Variants in DNAH5 observed in about 807,000 individuals in gnomAD.
The protein encoded by DNAH5 is axonemal beta dynein heavy chain 5.
DNAH5 carries 372 observed loss-of-function variants against 518.2 expected under a neutral mutation model. The ratio of observed to expected loss-of-function variants is 0.72; its 90% confidence interval spans 0.66 to 0.78. DNAH5 has a LOEUF of 0.78. Among genes scored for constraint, DNAH5 ranks in the 30% least tolerant of loss-of-function variants. The pLI, the probability that DNAH5 is intolerant of heterozygous loss-of-function variation, is 0.00. For synonymous variants in DNAH5, 2,039 were observed against 2,025.9 expected (o/e 1.01, Z -0.17); for missense variants, 5,523 against 5,687.0 (o/e 0.97, Z 0.93).
At position 13,900,185 on chromosome 5, in the gene DNAH5, GA is replaced by G. The variant is rs374448685; in HGVS notation, c.2259+20del. ...TTCCAGAGCTAGCCAAGAATGGGGGGAAAAAATAAAAGTAGTATACCTTCAT... is the reference window on the plus strand; with the variant it reads ...TTCCAGAGCTAGCCAAGAATGGGGGGAAAAATAAAAGTAGTATACCTTCAT... On this transcript the variant is annotated intron_variant, in intron 15 of 78. Coordinates refer to ENST00000265104, the MANE Select transcript of DNAH5 (RefSeq NM_001369.3). 16 of 1,592,396 alleles carry G rather than the reference GA, an allele frequency of 1.0e-5. No homozygotes were observed. The highest frequency in any genetic ancestry group is 4.5e-5 in the East Asian group (2 of 44,712).
chr5:13,754,712 A>G (rs898879575), intron 61 of DNAH5, among the ~76,000 whole-genome samples: 11 of 151,900 alleles, frequency 7.2e-5, no homozygotes, highest in African/African-American at 2.7e-4. Flanking sequence ...CTAATTTTGT[A>G]TTTTTAGTAG....
chr5:13,865,919 C>T lies in DNAH5; in HGVS notation c.4117-13G>A, dbSNP rs771352867. The T allele has an allele frequency of 1.6e-5, 24 of 1,487,230 alleles. No individual in the cohort carries two copies. The highest frequency in any genetic ancestry group is 2.3e-5 in the Non-Finnish European group (24 of 1,065,932). The allele number at this position is 1,487,230 out of a possible 1,614,324, so 92.1% of individuals were successfully genotyped here. A position where few individuals can be genotyped will look rare whatever the true frequency, so the allele number is the denominator to read the frequency against. The stretch of plus-strand genomic sequence containing the variant: ...TATCAAATTGATTCTAATAAAAACA[C>T]AAGTGAAAACGCATCAAAATGATTT... On this transcript the variant is annotated splice_polypyrimidine_tract_variant and intron_variant, in intron 26 of 78. Transcript: ENST00000265104.
At chr5:13,834,551 C>T (rs2151846475) in intron 35 of DNAH5, among the ~76,000 whole-genome samples, 1 of 152,290 alleles carries the variant, frequency 6.6e-6, no homozygotes, top group East Asian at 1.9e-4. Context: ...TTCTAGCAAA[C>T]AAATCACATG....
intron 29 of DNAH5, among the ~76,000 whole-genome samples, chr5:13,861,539 C>G (rs1450786399): frequency 1.3e-5 from 2 of 151,994 alleles, no homozygotes; most frequent in Non-Finnish European, 2.9e-5. Flanking sequence ...TTCTGGGGAA[C>G]AAAAACATTA....
chr5:13,947,039 T>C (rs1385776350), upstream of DNAH5, among the ~76,000 whole-genome samples: 1 of 152,240 alleles, frequency 6.6e-6, no homozygotes, highest in Non-Finnish European at 1.5e-5. Flanking sequence ...ATTTCACAGA[T>C]GTTAAAATAT....
chr5:13,927,721 G>A (rs571439442), intron 3 of DNAH5, among the ~76,000 whole-genome samples: 1 of 152,116 alleles, frequency 6.6e-6, no homozygotes, highest in Non-Finnish European at 1.5e-5. Flanking sequence ...TGTGAAACAG[G>A]TGCCCATTAT....
rs927630990 is a variant in DNAH5 at position 13,862,600 on chromosome 5, T to A, written c.4744A>T (p.Ile1582Phe). The part of the protein sequence containing the change: ...LLRGDSTSEI[I>F]ANMEDSLMLL... ...ATCAAGCTGTCCTCCATGTTGGCGA[T>A]GATTTCCGAGGTACTGTCTCCTCTC... The change falls in exon 29 of 79, where the codon ATC (isoleucine) becomes TTC (phenylalanine). Residue 1582 changes from isoleucine (I) to phenylalanine (F), a missense_variant. This residue lies in a region of DNAH5 where 5,121 missense variants were observed against 5,223.3 expected (regional missense o/e 0.98). Transcript: ENST00000265104. 1.2e-6 allele frequency: 2 copies of A among 1,614,046 alleles called. No homozygotes were observed. Among genetic ancestry groups the A allele is most frequent in the Non-Finnish European group, 1.7e-6 (2 of 1,179,962 alleles).
In DNAH5 at chr5:13,700,637, TA is replaced by T; in HGVS notation, c.13723+2del. ...CCCTTACTGAAGGTACAAGACAACTTACTATTGTTTTCTGCATAAATCCTTA... is the reference window on the plus strand; with the variant it reads ...CCCTTACTGAAGGTACAAGACAACTTCTATTGTTTTCTGCATAAATCCTTA... On this transcript the variant is annotated splice_donor_variant, in intron 78 of 78. Coordinates refer to ENST00000265104, the MANE Select transcript of DNAH5 (RefSeq NM_001369.3). LOFTEE classifies it high-confidence loss of function. The T allele has an allele frequency of 1.2e-6, 2 of 1,613,406 alleles. No homozygotes were observed. Among genetic ancestry groups the T allele is most frequent in the Non-Finnish European group, 1.7e-6 (2 of 1,179,328 alleles).
chr5:14,006,921 C>A (rs1354832406), intron 1 of DNAH5, among the ~76,000 whole-genome samples: 1 of 152,188 alleles, frequency 6.6e-6, no homozygotes, highest in African/African-American at 2.4e-5. Context: ...ACAATGAGCT[C>A]CACTCTGAGC....
At chr5:13,898,906 A>G in intron 15 of DNAH5, 1 of 316,572 alleles carries the variant, frequency 3.2e-6, no homozygotes, top group African/African-American at 2.1e-5. Context: ...GCCTTTTCAT[A>G]CCCTTGGCTT....
rs1326710504 is a variant in DNAH5, at chr5:13,707,732, T to C, written c.13338+391A>G. On this transcript the variant is annotated intron_variant, in intron 76 of 78. Coordinates refer to ENST00000265104, the MANE Select transcript of DNAH5 (RefSeq NM_001369.3). The surrounding 1 kb of genome is among the most constrained non-coding windows in gnomAD (Gnocchi z 4.0). ...TGACTTTTGATGTTAGGGTGAGGCA[T>C]GTTTCCTTCTATGAAACCAACATCA... Among the ~76,000 whole-genome samples, 2 of 152,064 alleles carry C rather than the reference T, an allele frequency of 1.3e-5. No homozygotes were observed. Among genetic ancestry groups the C allele is most frequent in the Non-Finnish European group, 1.5e-5 (1 of 68,010 alleles).
chr5:13,807,801 C>A, intron 46 of DNAH5, 76 bp from the exon 47 acceptor site: 1 of 1,304,536 alleles, frequency 7.7e-7, no homozygotes, highest in South Asian at 1.3e-5. Flanking sequence ...CCCCAAAATT[C>A]ATATGCTGAA....
intron 47 of DNAH5, among the ~76,000 whole-genome samples, chr5:13,806,775 T>C (rs1186948833): frequency 6.6e-6 from 1 of 152,196 alleles, no homozygotes; most frequent in Non-Finnish European, 1.5e-5. Flanking sequence ...ACTGCAAATC[T>C]AGGTCATTCC....
At chr5:13,890,766 G>T (rs1267545693) in intron 17 of DNAH5, among the ~76,000 whole-genome samples, 1 of 152,170 alleles carries the variant, frequency 6.6e-6, no homozygotes, top group Non-Finnish European at 1.5e-5. Context: ...GATCTGAAAT[G>T]ATGTGTTCCC....
Position 13,850,706 on chromosome 5 carries a change from T to G in DNAH5, c.5060A>C (p.Gln1687Pro). Reference sequence around the variant, plus strand: ...CTGGTCCAGCAAGTGTGGTAACAGCTGCCCCAGGGTCTCATCTCCAACACA... The same window carrying G: ...CTGGTCCAGCAAGTGTGGTAACAGCGGCCCCAGGGTCTCATCTCCAACACA... ...QCCVGDETLG[Q>P]LLPHLLDQLE... Residue 1687 changes from glutamine to proline, a missense_variant, in exon 31 of 79, where the codon CAG becomes CCG. By Grantham distance (76) the Gln-to-Pro change is moderately conservative. This residue lies in a region of DNAH5 where 5,121 missense variants were observed against 5,223.3 expected (regional missense o/e 0.98). Transcript: ENST00000265104. 1 of 1,614,156 alleles carries G rather than the reference T, an allele frequency of 6.2e-7. No individual in the cohort carries two copies. The highest frequency in any genetic ancestry group is 8.5e-7 in the Non-Finnish European group (1 of 1,180,000).
chr5:13,862,621 C>T lies in DNAH5; in HGVS notation c.4723G>A (p.Gly1575Arg). The change falls in exon 29 of 79, where the codon GGA (glycine) becomes AGA (arginine). Residue 1575 changes from glycine (G) to arginine (R), a missense_variant. Gly to Arg is a moderately radical substitution (Grantham distance 125, BLOSUM62 -2). Transcript: ENST00000265104. ...FKTRGELLLR[G>R]DSTSEIIANM... ...GCGATGATTTCCGAGGTACTGTCTC[C>T]TCTCAAGAGGAGCTCTCCACGGGTT... 1 of 1,613,980 alleles carries T rather than the reference C, an allele frequency of 6.2e-7. No homozygotes were observed. Among genetic ancestry groups the T allele is most frequent in the Non-Finnish European group, 8.5e-7 (1 of 1,179,934 alleles).
rs200660870 is a variant in DNAH5 at position 13,721,861 on chromosome 5, GA to G, written c.12034-617del. On this transcript the variant is annotated intron_variant, in intron 70 of 78. Transcript: ENST00000265104. The stretch of plus-strand genomic sequence containing the variant: ...TTTTGTCAACTTTATTACAACCATA[GA>G]AAAAAATTATGGTAACAACAAAGTC... 2.1e-3 allele frequency among the ~76,000 whole-genome samples: 325 copies of G among 152,074 alleles called. 3 individuals are homozygous for G. The highest frequency in any genetic ancestry group is 7.5e-3 in the African/African-American group (310 of 41,478).
intron 75 of DNAH5, among the ~76,000 whole-genome samples, chr5:13,710,746 A>C (rs1743378218): frequency 6.6e-6 from 1 of 152,202 alleles, no homozygotes. Flanking sequence ...ACCTTTACAC[A>C]CATAAACCAG....
rs12655133 is a variant in DNAH5, at chr5:13,769,148, T to A, written c.9721-12A>T. The A allele has an allele frequency of 0.36, 573,942 of 1,612,898 alleles. 103,426 individuals are homozygous for A. The highest frequency in any genetic ancestry group is 0.41 in the Middle Eastern group (2,492 of 6,056). ...ACTTCTTTTAAGACCTAATTCAATA[T>A]AAAGCAAGCAATACTTCACCAAACA... On this transcript the variant is annotated splice_polypyrimidine_tract_variant and intron_variant, in intron 57 of 78. Transcript: ENST00000265104.
Sources: allele counts gnomAD v4.1 joint callset (sites outside exome capture counted in the v4.1 genomes callset), GRCh38; gene constraint gnomAD v4.1.1; regional missense constraint gnomAD v4.1.1; non-coding constraint Gnocchi (gnomAD v3.1); transcripts MANE v1.5; gene names NCBI Gene and HGNC (gene_info 2026-07-23, HGNC 2026-07-21).